Variants in YAF2 observed in about 807,000 individuals in gnomAD.
YAF2 encodes the protein YY1-associated factor 2.
Under a neutral mutation model 20.1 loss-of-function variants are expected in YAF2, and 7 were observed. That is an observed-to-expected ratio of 0.35 (90% CI 0.20 to 0.65). The LOEUF (loss-of-function observed/expected upper bound fraction) is 0.65. Among genes scored for constraint, YAF2 ranks in the 30% least tolerant of loss-of-function variants. The pLI is 0.69. For missense variants in YAF2, 151 were observed against 219.2 expected, an observed-to-expected ratio of 0.69 and a Z score of 1.96; for synonymous variants, 74 against 76.0, an observed-to-expected ratio of 0.97 and a Z score of 0.14.
intron 2 of YAF2, among the ~76,000 whole-genome samples, chr12:42,162,384 T>TGTAATATTTATTTATTGAGGA (rs1176427933): frequency 1.3e-5 from 2 of 152,200 alleles, no homozygotes; most frequent in Non-Finnish European, 2.9e-5. Flanking sequence ...ATTGAGGACC[T>TGTAATATTTATTTATTGAGGA]ACTGTAAGAA....
At chr12:42,213,062 A>AG (rs11419731) in intron 2 of YAF2, among the ~76,000 whole-genome samples, 152,379 of 152,382 alleles carry the variant, frequency 1, 76,188 homozygotes, top group Middle Eastern at 1. Context: ...TGTCATTAAG[A>AG]GCCAGGCACG....
In YAF2 at chr12:42,160,651, C is replaced by G. The variant is rs764783779; in HGVS notation, c.481G>C (p.Gly161Arg). 6.2e-7 allele frequency: 1 copy of G among 1,613,622 alleles called. No individual in the cohort carries two copies. Among genetic ancestry groups the G allele is most frequent in the Non-Finnish European group, 8.5e-7 (1 of 1,179,860 alleles). Residue 161 changes from glycine (G) to arginine (R), a missense_variant, in exon 4 of 4, where the codon GGA becomes CGA. Around this residue, in one of 3 missense-constraint regions of YAF2, gnomAD observed 51 missense variants for 48.9 expected, o/e 1.04. Transcript: ENST00000534854. ...SGSSSDNTERGMSRSSSPRGE... is the reference protein window; with the variant it reads ...SGSSSDNTERRMSRSSSPRGE... ...CTGGGTGAAGATGACCTGGACATTC[C>G]TCTCTCTGTGTTATCAGAGCTAGAG...
chr12:42,173,727 A>C (rs2066109422), intron 2 of YAF2, among the ~76,000 whole-genome samples: 1 of 152,150 alleles, frequency 6.6e-6, no homozygotes, highest in Non-Finnish European at 1.5e-5. Flanking sequence ...TATTTAACAA[A>C]TATTTATTAA....
At chr12:42,204,562 T>C (rs2066987788) in intron 2 of YAF2, among the ~76,000 whole-genome samples, 1 of 152,220 alleles carries the variant, frequency 6.6e-6, no homozygotes, top group African/African-American at 2.4e-5. Flanking sequence ...GGCATTTTTA[T>C]GTCAGAGGCT....
chr12:42,185,883 A>G (rs2066459630), intron 2 of YAF2, among the ~76,000 whole-genome samples: 1 of 152,182 alleles, frequency 6.6e-6, no homozygotes, highest in Non-Finnish European at 1.5e-5. Context: ...GCACAATACA[A>G]TAAATTTATT....
intron 2 of YAF2, chr12:42,210,922 T>C (rs2067189611): frequency 3.9e-6 from 1 of 258,118 alleles, no homozygotes; most frequent in Non-Finnish European, 7.3e-6. Flanking sequence ...TATACAAAAA[T>C]ATCAGCCACC....
At position 42,206,294 on chromosome 12, in the gene YAF2, A is replaced by C. The variant is rs1248577733; in HGVS notation, c.152+31305T>G. 7.4e-5 allele frequency among the ~76,000 whole-genome samples: 7 copies of C among 94,192 alleles called. No homozygotes were observed. In the East Asian group the frequency reaches 2.4e-3, roughly 32 times the overall value. The allele number at this position is 94,192 out of a possible 152,430, so 61.8% of individuals were successfully genotyped here. Reference sequence around the variant, plus strand: ...TTCAATTATAATGCAATATGCTCTTAGTTAAAAAAAAAAAAAAAAAAAAGT... The same window carrying C: ...TTCAATTATAATGCAATATGCTCTTCGTTAAAAAAAAAAAAAAAAAAAAGT... On this transcript the variant is annotated intron_variant, in intron 2 of 3. Transcript: ENST00000534854.
At chr12:42,235,632 C>T (rs915410149) in intron 2 of YAF2, 1 of 1,506,310 alleles carries the variant, frequency 6.6e-7, no homozygotes, top group Non-Finnish European at 8.8e-7. Flanking sequence ...ACACAGTGTC[C>T]CTTAGATTTC....
intron 2 of YAF2, among the ~76,000 whole-genome samples, chr12:42,236,314 T>C (rs551591815): frequency 6.6e-6 from 1 of 152,334 alleles, no homozygotes; most frequent in South Asian, 2.1e-4. Flanking sequence ...ACCACAATCA[T>C]TTTAGCAAAT....
intron 2 of YAF2, among the ~76,000 whole-genome samples, chr12:42,198,895 A>G (rs2066826100): frequency 6.6e-6 from 1 of 152,208 alleles, no homozygotes; most frequent in African/African-American, 2.4e-5. Flanking sequence ...GTGGGTACTG[A>G]GCACTTAAAT....
intron 2 of YAF2, among the ~76,000 whole-genome samples, chr12:42,185,675 A>T (rs2066454498): frequency 6.6e-6 from 1 of 152,248 alleles, no homozygotes; most frequent in Non-Finnish European, 1.5e-5. Flanking sequence ...CTGAAAGCTC[A>T]GATGGTCATT....
chr12:42,191,110 C>T (rs1315300825), intron 2 of YAF2, among the ~76,000 whole-genome samples: 1 of 152,070 alleles, frequency 6.6e-6, no homozygotes, highest in Non-Finnish European at 1.5e-5. Flanking sequence ...ATTTCTTTAT[C>T]ACTTTGATGC....
At chr12:42,176,279 G>A (rs978303621) in intron 2 of YAF2, among the ~76,000 whole-genome samples, 7 of 151,164 alleles carry the variant, frequency 4.6e-5, no homozygotes, top group African/African-American at 9.7e-5. Flanking sequence ...GCACCATCAC[G>A]CCAGCTAATT....
intron 2 of YAF2, among the ~76,000 whole-genome samples, chr12:42,208,732 A>G (rs2067122530): frequency 6.6e-6 from 1 of 152,204 alleles, no homozygotes. Context: ...ACTTGCCTCA[A>G]CTCTAAAGTA....
chr12:42,160,831 A>C lies in YAF2; in HGVS notation c.306-5T>G. 6.3e-7 allele frequency: 1 copy of C among 1,586,486 alleles called. No homozygotes were observed. The highest frequency in any genetic ancestry group is 8.6e-7 in the Non-Finnish European group (1 of 1,168,236). On this transcript the variant is annotated splice_polypyrimidine_tract_variant and splice_region_variant and intron_variant, in intron 3 of 3. Transcript: ENST00000534854. Reference sequence around the variant, plus strand: ...TCCACATTTTTCAATCTTGGCCTAAACATAAAAAAATGAAATTTTAAACTA... The same window carrying C: ...TCCACATTTTTCAATCTTGGCCTAACCATAAAAAAATGAAATTTTAAACTA...
chr12:42,185,431 G>A (rs369464530), intron 2 of YAF2, among the ~76,000 whole-genome samples: 8 of 152,198 alleles, frequency 5.3e-5, no homozygotes, highest in Admixed American at 4.6e-4. Context: ...GGGCTTGAGA[G>A]GACTGGCTTA....
In YAF2 at chr12:42,160,662, T is replaced by TTA; in HGVS notation, c.468_469dup (p.Asn157IlefsTer20). On this transcript the variant is annotated frameshift_variant, in exon 4 of 4. Transcript: ENST00000534854. LOFTEE classifies it high-confidence loss of function. ...TGACCTGGACATTCCTCTCTCTGTG[T>TTA]TATCAGAGCTAGAGCCGCTTTGACT... The TTA allele has an allele frequency of 6.2e-7, 1 of 1,613,886 alleles. No homozygotes were observed. The highest frequency in any genetic ancestry group is 8.5e-7 in the Non-Finnish European group (1 of 1,179,894).
chr12:42,235,659 G>C, intron 2 of YAF2: 2 of 1,523,560 alleles, frequency 1.3e-6, no homozygotes, highest in Non-Finnish European at 1.7e-6. Flanking sequence ...GTTGCCCAGA[G>C]CCTCTTCAGT....
chr12:42,221,923 G>T (rs954164808), intron 2 of YAF2, among the ~76,000 whole-genome samples: 3 of 152,158 alleles, frequency 2.0e-5, no homozygotes, highest in Non-Finnish European at 4.4e-5. Flanking sequence ...AAGGTTTCAA[G>T]TAATAAAAAC....
Sources: gnomAD v4.1 joint callset for allele counts (sites outside exome capture counted in the v4.1 genomes callset) on GRCh38, gnomAD v4.1.1 for gene constraint, gnomAD v4.1.1 regional missense constraint, MANE v1.5 for transcripts, NCBI Gene and HGNC (gene_info 2026-07-23, HGNC 2026-07-21) for gene names.